TTLL2: variants seen among roughly 807,000 people sequenced by gnomAD.
TTLL2 encodes tubulin tyrosine ligase like 2.
A neutral mutation model predicts 7.5 loss-of-function variants in TTLL2; 10 were observed. The observed-to-expected ratio is 1.33, with a 90% confidence interval of 0.82 to 2.25. The LOEUF is 2.25. TTLL2 is among the 30% of genes most tolerant of loss of function. The pLI, the probability that TTLL2 is intolerant of heterozygous loss-of-function variation, is 0.00. For synonymous variants in TTLL2, 284 were observed against 280.3 expected (o/e 1.01, Z -0.13); for missense variants, 733 against 735.7 (o/e 1.00, Z 0.04).
chr6:167,331,028 C>T (rs1035537091), intron 1 of TTLL2, among the ~76,000 whole-genome samples: 2 of 152,228 alleles, frequency 1.3e-5, no homozygotes, highest in Admixed American at 1.3e-4. Context: ...GGTCATGGTG[C>T]ACCAGTGCCC....
At chr6:167,329,479 G>T (rs1413672160) in intron 1 of TTLL2, among the ~76,000 whole-genome samples, 5 of 152,072 alleles carry the variant, frequency 3.3e-5, no homozygotes, top group Non-Finnish European at 7.4e-5. Flanking sequence ...GTTAAGACTG[G>T]GTTGGTTAAA....
At chr6:167,329,986 A>T (rs1233978204) in intron 1 of TTLL2, among the ~76,000 whole-genome samples, 1 of 152,192 alleles carries the variant, frequency 6.6e-6, no homozygotes, top group East Asian at 1.9e-4. Context: ...TACATGCAGC[A>T]CACACTGATT....
At chr6:167,337,301 G>A (rs1241327485) in intron 1 of TTLL2, among the ~76,000 whole-genome samples, 1 of 152,206 alleles carries the variant, frequency 6.6e-6, no homozygotes, top group Non-Finnish European at 1.5e-5. Context: ...TGGCTTGCCT[G>A]GGCAGCCCTG....
chr6:167,339,964 G>A (rs1364029704), intron 2 of TTLL2, 141 bp from the exon 3 acceptor site: 7 of 808,820 alleles, frequency 8.7e-6, no homozygotes, highest in African/African-American at 5.1e-5. Context: ...GTGAAGAGAC[G>A]TGGGTGTCCG....
chr6:167,340,749 A>G lies in TTLL2; in HGVS notation c.849A>G (p.Glu283=), dbSNP rs1779074843. The change falls in exon 3 of 3, where the codon GAA becomes GAG. Residue 283 remains glutamate (E), a synonymous_variant. Coordinates refer to ENST00000239587, the MANE Select transcript of TTLL2 (RefSeq NM_031949.5). ...YQEGLVRFAT[E]KFDLSNLQNN... is the part of the protein sequence containing the mutation. The stretch of plus-strand genomic sequence containing the variant: ...AAGGGTTGGTTCGGTTTGCCACGGA[A>G]AAGTTTGACCTCAGTAATTTGCAAA... 1 of 1,614,084 alleles carries G rather than the reference A, an allele frequency of 6.2e-7. No homozygotes were observed. Among genetic ancestry groups the G allele is most frequent in the Non-Finnish European group, 8.5e-7 (1 of 1,180,046 alleles).
intron 1 of TTLL2, among the ~76,000 whole-genome samples, chr6:167,331,645 G>T (rs1263010102): frequency 6.6e-6 from 1 of 152,114 alleles, no homozygotes; most frequent in Non-Finnish European, 1.5e-5. Flanking sequence ...GCCAGAGAAG[G>T]GCTCCGTACT....
chr6:167,337,350 C>T (rs1363975495), intron 1 of TTLL2, among the ~76,000 whole-genome samples: 2 of 152,154 alleles, frequency 1.3e-5, no homozygotes, highest in South Asian at 4.1e-4. Flanking sequence ...CAGGGAGGGC[C>T]GGCCACTCCT....
intron 1 of TTLL2, among the ~76,000 whole-genome samples, chr6:167,338,430 AAC>A (rs1306618344): frequency 2.7e-5 from 4 of 148,754 alleles, no homozygotes; most frequent in African/African-American, 7.4e-5. Flanking sequence ...AGAAACAACA[AAC>A]ACACTCAACA....
chr6:167,335,776 T>C (rs563878842), intron 1 of TTLL2, among the ~76,000 whole-genome samples: 4 of 138,884 alleles, frequency 2.9e-5, no homozygotes, highest in Non-Finnish European at 6.1e-5. Flanking sequence ...AACATTGAGA[T>C]CACATGGACA....
intron 1 of TTLL2, among the ~76,000 whole-genome samples, chr6:167,327,014 G>T: frequency 6.6e-6 from 1 of 152,008 alleles, no homozygotes. Flanking sequence ...TAAGTAAAGA[G>T]AAAAGAGTAG....
chr6:167,340,659 AT>A lies in TTLL2; in HGVS notation c.760del (p.Cys254ValfsTer15), dbSNP rs1252134724. On this transcript the variant is annotated frameshift_variant, in exon 3 of 3. Coordinates refer to ENST00000239587, the MANE Select transcript of TTLL2 (RefSeq NM_031949.5). LOFTEE classifies it low-confidence loss of function (END_TRUNC). Reference protein sequence around the residue: ...SNPLLIGRYKCDLRIYVCVTG... With the variant: ...SNPLLIGRYKXDLRIYVCVTG... ...ATCCTTTACTTATTGGCAGATATAA[AT>A]GTGATCTCCGCATCTATGTTTGTGT... 4 of 1,614,048 alleles carry A rather than the reference AT, an allele frequency of 2.5e-6. No homozygotes were observed. In the African/African-American group the frequency reaches 5.3e-5, roughly 22 times the overall value.
At chr6:167,326,699 C>G (rs1196234355) in intron 1 of TTLL2, among the ~76,000 whole-genome samples, 2 of 152,138 alleles carry the variant, frequency 1.3e-5, no homozygotes, top group Non-Finnish European at 1.5e-5. Flanking sequence ...AATTTGTAAA[C>G]TTTCTTAAAA....
At chr6:167,335,994 A>G (rs568780795) in intron 1 of TTLL2, among the ~76,000 whole-genome samples, 12 of 152,276 alleles carry the variant, frequency 7.9e-5, no homozygotes, top group African/African-American at 2.6e-4. Context: ...TGGAAAAAAA[A>G]AAAAAGAAAT....
In TTLL2 at chr6:167,341,246, C is replaced by G; in HGVS notation, c.1346C>G (p.Ala449Gly). Residue 449 changes from alanine (A) to glycine (G), a missense_variant, in exon 3 of 3, where the codon GCT becomes GGT. Coordinates refer to ENST00000239587, the MANE Select transcript of TTLL2 (RefSeq NM_031949.5). ...AAAAGTGACAGAGGTGGGCTTGATG[C>G]TCCTGACTGTCTTCCTTATGATTCT... Reference protein sequence around the residue: ...AAKSDRGGLDAPDCLPYDSLS... With the variant: ...AAKSDRGGLDGPDCLPYDSLS... 6.2e-7 allele frequency: 1 copy of G among 1,613,740 alleles called. No individual in the cohort carries two copies. Among genetic ancestry groups the G allele is most frequent in the Non-Finnish European group, 8.5e-7 (1 of 1,179,986 alleles).
At chr6:167,336,113 G>A (rs1778981221) in intron 1 of TTLL2, among the ~76,000 whole-genome samples, 2 of 152,090 alleles carry the variant, frequency 1.3e-5, no homozygotes, top group South Asian at 4.2e-4. Flanking sequence ...GTAAACACAG[G>A]TGCCGTTGCC....
At position 167,341,786 on chromosome 6, in the gene TTLL2, T is replaced by C; in HGVS notation, c.*107T>C. On this transcript the variant is annotated 3_prime_UTR_variant, in exon 3 of 3. Transcript: ENST00000239587. ...GTCCCTACCTGTGCCACCAGCATGTTAACTATGACATTGGGACTGAAGATG... is the reference window on the plus strand; with the variant it reads ...GTCCCTACCTGTGCCACCAGCATGTCAACTATGACATTGGGACTGAAGATG... 8.1e-7 allele frequency: 1 copy of C among 1,228,830 alleles called. No homozygotes were observed. The highest frequency in any genetic ancestry group is 1.1e-6 in the Non-Finnish European group (1 of 909,360). The allele number at this position is 1,228,830 out of a possible 1,614,324, so 76.1% of individuals were successfully genotyped here.
At chr6:167,337,561 T>C (rs1583111697) in intron 1 of TTLL2, among the ~76,000 whole-genome samples, 1 of 152,064 alleles carries the variant, frequency 6.6e-6, no homozygotes, top group Non-Finnish European at 1.5e-5. Context: ...AAGGTGGGGG[T>C]GCCAGAGACT....
intron 1 of TTLL2, among the ~76,000 whole-genome samples, chr6:167,336,046 C>G (rs73266959): frequency 0.021 from 3,192 of 151,974 alleles, 130 homozygotes; most frequent in African/African-American, 0.074. Flanking sequence ...GTATCCATCT[C>G]TCCCTGAATG....
intron 1 of TTLL2, chr6:167,328,122 G>C (rs749221062): frequency 8.8e-6 from 4 of 456,098 alleles, no homozygotes. Context: ...GTGCCAAAAA[G>C]ATAAAATGTG....
Sources: allele counts gnomAD v4.1 joint callset (sites outside exome capture counted in the v4.1 genomes callset), GRCh38; gene constraint gnomAD v4.1.1; transcripts MANE v1.5; gene names NCBI Gene and HGNC (gene_info 2026-07-23, HGNC 2026-07-21).